The following SLC14A2 variants were observed in gnomAD, a reference collection of about 807,000 sequenced individuals.
SLC14A2 encodes the protein urea transporter 2.
Under a neutral mutation model 104.6 loss-of-function variants are expected in SLC14A2, and 91 were observed. The observed-to-expected ratio is 0.87, with a 90% CI of 0.73 to 1.04. The LOEUF is 1.04. Ranked by LOEUF, SLC14A2 falls within the 50% of genes least tolerant of loss-of-function variation. The pLI is 0.00. For missense variants in SLC14A2, 1,189 were observed against 1,156.0 expected, an observed-to-expected ratio of 1.03 and a Z score of -0.41; for synonymous variants, 476 against 466.4, an observed-to-expected ratio of 1.02 and a Z score of -0.27.
chr18:45,544,816 G>A (rs1427936475), intron 2 of SLC14A2, among the ~76,000 whole-genome samples: 5 of 127,190 alleles, frequency 3.9e-5, no homozygotes, highest in Non-Finnish European at 6.6e-5. Flanking sequence ...TTTTGAGACG[G>A]AGTTTCATTC....
At chr18:45,669,601 C>T in intron 16 of SLC14A2, 103 bp downstream of exon 16, 2 of 944,638 alleles carry the variant, frequency 2.1e-6, no homozygotes, top group Non-Finnish European at 3.3e-6. Flanking sequence ...TAATTTTTAA[C>T]AATTACACAG....
At chr18:45,322,417 C>T (rs1235409901) in intron 1 of SLC14A2, among the ~76,000 whole-genome samples, 1 of 152,130 alleles carries the variant, frequency 6.6e-6, no homozygotes, top group Non-Finnish European at 1.5e-5. Flanking sequence ...AGGACAGGCC[C>T]ATTGACAATT....
intron 1 of SLC14A2, among the ~76,000 whole-genome samples, chr18:45,407,721 T>C (rs1435122584): frequency 6.6e-6 from 1 of 152,176 alleles, no homozygotes; most frequent in African/African-American, 2.4e-5. Context: ...CTAATTTCAA[T>C]ACTGTTGTAT....
intron 1 of SLC14A2, among the ~76,000 whole-genome samples, chr18:45,344,119 ATAT>A (rs994223341): frequency 6.6e-6 from 1 of 152,156 alleles, no homozygotes; most frequent in Admixed American, 6.5e-5. Flanking sequence ...CATTGTCATT[ATAT>A]TATTATCACT....
intron 1 of SLC14A2, among the ~76,000 whole-genome samples, chr18:45,314,539 C>G (rs1219944216): frequency 6.6e-6 from 1 of 152,202 alleles, no homozygotes; most frequent in African/African-American, 2.4e-5. Flanking sequence ...TGCCCAAGGT[C>G]ACACAGTTGG....
At position 45,348,195 on chromosome 18, in the gene SLC14A2, C is replaced by T. The variant is rs9962356; in HGVS notation, c.-125+135004C>T. Among the ~76,000 whole-genome samples, 80 of 152,306 alleles carry T rather than the reference C, an allele frequency of 5.3e-4. 1 individual carries two copies. Among genetic ancestry groups the T allele is most frequent in the African/African-American group, 1.8e-3 (75 of 41,560 alleles). ...CTCAAAGCCTGCAGGAAGCCCAGAG[C>T]GGGTAGTACGACTTCAGTGAGAAAT... On this transcript the variant is annotated intron_variant, in intron 1 of 20. Transcript: ENST00000586448.
At chr18:45,466,189 T>C (rs1255664319) in intron 1 of SLC14A2, among the ~76,000 whole-genome samples, 5 of 152,046 alleles carry the variant, frequency 3.3e-5, no homozygotes, top group Non-Finnish European at 7.4e-5. Flanking sequence ...TTTACACAGA[T>C]TTATTCATGT....
intron 8 of SLC14A2, 123 bp from the exon 9 acceptor site, chr18:45,643,009 T>C: frequency 2.5e-6 from 2 of 806,488 alleles, no homozygotes; most frequent in Non-Finnish European, 4.2e-6. Context: ...TGGTGCAGAA[T>C]CTGAGGCTGC....
At chr18:45,235,267 T>C (rs1192389237) in intron 1 of SLC14A2, among the ~76,000 whole-genome samples, 4 of 152,212 alleles carry the variant, frequency 2.6e-5, no homozygotes, top group Non-Finnish European at 5.9e-5. Context: ...TTTCTTTTCA[T>C]TAAAATGCTT....
At chr18:45,410,828 G>T (rs561842962) in intron 1 of SLC14A2, among the ~76,000 whole-genome samples, 1 of 152,162 alleles carries the variant, frequency 6.6e-6, no homozygotes, top group African/African-American at 2.4e-5. Flanking sequence ...AGACTTCCTC[G>T]CTTAAGAAAA....
chr18:45,607,298 C>T (rs1321589556), intron 2 of SLC14A2, among the ~76,000 whole-genome samples: 1 of 152,154 alleles, frequency 6.6e-6, no homozygotes, highest in Non-Finnish European at 1.5e-5. Flanking sequence ...AAACTAACTT[C>T]CTGCAAAACT....
At chr18:45,201,445 T>G in the SLC14A2 span, among the ~76,000 whole-genome samples, 3 of 152,148 alleles carry the variant, frequency 2.0e-5, no homozygotes, top group Non-Finnish European at 4.4e-5. Context: ...GATATTTATT[T>G]TACTTCACTT....
At chr18:45,221,814 A>G (rs62092122) in intron 1 of SLC14A2, among the ~76,000 whole-genome samples, 17,183 of 152,018 alleles carry the variant, frequency 0.11, 984 homozygotes, top group Non-Finnish European at 0.12. Context: ...CAAAGACTTC[A>G]CATAGGAAAG....
chr18:45,189,562 TCTTGTA>T, the SLC14A2 span, among the ~76,000 whole-genome samples: 2 of 152,222 alleles, frequency 1.3e-5, no homozygotes, highest in African/African-American at 2.4e-5. Context: ...AGACGCTGGG[TCTTGTA>T]CTTGGACTTC....
At chr18:45,403,616 T>C (rs1312396996) in intron 1 of SLC14A2, among the ~76,000 whole-genome samples, 1 of 152,152 alleles carries the variant, frequency 6.6e-6, no homozygotes, top group Non-Finnish European at 1.5e-5. Context: ...AGGCAGGACT[T>C]AATTGGATGC....
rs950596990 is a variant in SLC14A2, at chr18:45,642,736, T to C, written c.1127-396T>C. 3.9e-5 allele frequency among the ~76,000 whole-genome samples: 6 copies of C among 151,966 alleles called. 1 individual carries two copies. The highest frequency in any genetic ancestry group is 1.3e-4 in the Admixed American group (2 of 15,282). ...TCACAGTCTTGAATAGGAGGGACCT[T>C]GGCAGGAGCTCGTATAGTCTGACCA... On this transcript the variant is annotated intron_variant, in intron 8 of 19. Coordinates refer to ENST00000255226, the MANE Select transcript of SLC14A2 (RefSeq NM_007163.4).
chr18:45,240,994 C>T (rs751999527), intron 1 of SLC14A2, among the ~76,000 whole-genome samples: 2 of 152,130 alleles, frequency 1.3e-5, no homozygotes, highest in African/African-American at 4.8e-5. Flanking sequence ...AAGCTTCAAC[C>T]CAGGGAACCT....
chr18:45,447,984 T>C (rs1480572704), intron 1 of SLC14A2, among the ~76,000 whole-genome samples: 4 of 152,362 alleles, frequency 2.6e-5, no homozygotes, highest in Middle Eastern at 6.8e-3. Context: ...CTTAACAGTG[T>C]TGTAAAATAA....
intron 1 of SLC14A2, among the ~76,000 whole-genome samples, chr18:45,220,367 C>T (rs937605378): frequency 2.0e-5 from 3 of 152,192 alleles, no homozygotes; most frequent in South Asian, 2.1e-4. Flanking sequence ...CAGGCCCTTA[C>T]TACGCACAGA....
Sources: gnomAD v4.1 joint callset for allele counts (sites outside exome capture counted in the v4.1 genomes callset) on GRCh38, gnomAD v4.1.1 for gene constraint, MANE v1.5 for transcripts, NCBI Gene and HGNC (gene_info 2026-07-23, HGNC 2026-07-21) for gene names.